The following ADD2 variants were observed in gnomAD, a reference collection of about 807,000 sequenced individuals.
ADD2 encodes the protein beta-adducin.
In ADD2, 23 loss-of-function variants were observed where a neutral mutation model predicts 83.0. The observed-to-expected ratio is 0.28, with a 90% CI of 0.20 to 0.39. ADD2 has a LOEUF of 0.39. Ranked by LOEUF, ADD2 falls within the 10% of genes least tolerant of loss-of-function variation. ADD2 has a pLI of 1.00. For synonymous variants in ADD2, 375 were observed against 375.4 expected, an observed-to-expected ratio of 1.00 and a Z score of 0.01; for missense variants, 758 against 944.9, an observed-to-expected ratio of 0.80 and a Z score of 2.59.
At chr2:70,721,055 T>C (rs1553377253) in intron 1 of ADD2, among the ~76,000 whole-genome samples, 1 of 151,964 alleles carries the variant, frequency 6.6e-6, no homozygotes, top group African/African-American at 2.4e-5. Context: ...TTATGGCAGG[T>C]CACCAACCCT....
chr2:70,696,108 A>G, intron 5 of ADD2, 137 bp downstream of exon 5: 1 of 1,246,730 alleles, frequency 8.0e-7, no homozygotes, highest in Non-Finnish European at 1.1e-6. Flanking sequence ...AGTGGTTAAA[A>G]AACTTGGAAG....
At chr2:70,720,331 G>A (rs1553377114) in intron 1 of ADD2, among the ~76,000 whole-genome samples, 4 of 152,158 alleles carry the variant, frequency 2.6e-5, no homozygotes, top group Non-Finnish European at 5.9e-5. Flanking sequence ...GTTAAGGGTG[G>A]GAGGTCTAAA....
intron 1 of ADD2, among the ~76,000 whole-genome samples, chr2:70,757,771 A>G (rs1553384113): frequency 1.3e-5 from 2 of 152,228 alleles, no homozygotes; most frequent in African/African-American, 2.4e-5. Context: ...CCGAGTAAAG[A>G]AAGCAAACAT....
intron 1 of ADD2, among the ~76,000 whole-genome samples, chr2:70,763,556 C>T (rs1427451171): frequency 1.3e-5 from 2 of 151,934 alleles, no homozygotes; most frequent in Non-Finnish European, 2.9e-5. Flanking sequence ...TATGTATACT[C>T]ATAAATACCA....
intron 1 of ADD2, among the ~76,000 whole-genome samples, chr2:70,748,454 A>G (rs1674341157): frequency 6.6e-6 from 1 of 152,176 alleles, no homozygotes; most frequent in Non-Finnish European, 1.5e-5. Context: ...TAAAACAAGG[A>G]GAACTAAAAG....
chr2:70,703,207 CGAAAGAAAGAGAAAGAGA>C (rs1671697121), intron 4 of ADD2, among the ~76,000 whole-genome samples: 1 of 147,700 alleles, frequency 6.8e-6, no homozygotes, highest in Admixed American at 6.8e-5. Flanking sequence ...GAAAAGAAAA[CGAAAGAAAGAGAAAGAGA>C]GAAAGAGAAA....
intron 1 of ADD2, among the ~76,000 whole-genome samples, chr2:70,725,652 G>A (rs1180592435): frequency 6.6e-6 from 1 of 152,038 alleles, no homozygotes; most frequent in Non-Finnish European, 1.5e-5. Flanking sequence ...GGAACACCAG[G>A]AGCCATCAGA....
intron 15 of ADD2, among the ~76,000 whole-genome samples, chr2:70,664,848 G>A (rs1049063734): frequency 7.6e-6 from 1 of 132,114 alleles, no homozygotes; most frequent in Non-Finnish European, 1.5e-5. Context: ...GAGTGTGTCT[G>A]TGTGTGTGGT....
chr2:70,667,640 G>C (rs1669700916), intron 15 of ADD2, among the ~76,000 whole-genome samples: 2 of 152,092 alleles, frequency 1.3e-5, no homozygotes, highest in Non-Finnish European at 2.9e-5. Context: ...TTTGGTGGGG[G>C]GATGGAATTT....
At chr2:70,666,848 C>G (rs1675820782) in intron 15 of ADD2, among the ~76,000 whole-genome samples, 1 of 152,150 alleles carries the variant, frequency 6.6e-6, no homozygotes, top group South Asian at 2.1e-4. Flanking sequence ...CAGAGAGGTT[C>G]CACATCATGA....
rs1553368304 is a variant in ADD2, at chr2:70,676,599, C to A, written c.1593+197G>T. On this transcript the variant is annotated intron_variant, in intron 13 of 15. Coordinates refer to ENST00000264436, the MANE Select transcript of ADD2 (RefSeq NM_001617.4). This position sits in a 1 kb window ranked among gnomAD's most constrained non-coding sequence, Gnocchi z 4.8. ...TTCTCCAGCCCAGTGCCCACAGGGGCCATCAGACATTGTCCTCCCTGGTCC... is the reference window on the plus strand; with the variant it reads ...TTCTCCAGCCCAGTGCCCACAGGGGACATCAGACATTGTCCTCCCTGGTCC... The A allele has an allele frequency of 2.1e-6, 3 of 1,438,352 alleles. No homozygotes were observed. Among genetic ancestry groups the A allele is most frequent in the Admixed American group, 2.8e-5 (1 of 35,748 alleles). The allele number at this position is 1,438,352 out of a possible 1,614,324, so 89.1% of individuals were successfully genotyped here. A position where few individuals can be genotyped will look rare whatever the true frequency, so the allele number is the denominator to read the frequency against.
At chr2:70,757,074 T>A (rs1674833302) in intron 1 of ADD2, among the ~76,000 whole-genome samples, 1 of 152,200 alleles carries the variant, frequency 6.6e-6, no homozygotes, top group African/African-American at 2.4e-5. Flanking sequence ...GTGATCCATC[T>A]GCCTCGGCCT....
chr2:70,663,851 G>A (rs1318196991), intron 15 of ADD2, 116 bp from the exon 16 acceptor site: 2 of 1,137,494 alleles, frequency 1.8e-6, no homozygotes, highest in African/African-American at 1.6e-5. Context: ...AGCGAGGGGA[G>A]GGCCAGCCTG....
intron 1 of ADD2, among the ~76,000 whole-genome samples, chr2:70,733,541 G>A (rs115613877): frequency 6.6e-6 from 1 of 152,298 alleles, no homozygotes; most frequent in African/African-American, 2.4e-5. Flanking sequence ...CAGCAGCCAG[G>A]CCACACAAAT....
At chr2:70,758,187 G>A (rs980762950) in intron 1 of ADD2, among the ~76,000 whole-genome samples, 1 of 152,114 alleles carries the variant, frequency 6.6e-6, no homozygotes, top group Non-Finnish European at 1.5e-5. Flanking sequence ...TATTTTCAGT[G>A]GAAATAGTCC....
At position 70,676,419 on chromosome 2, in the gene ADD2, T is replaced by C; in HGVS notation, c.1593+377A>G. The C allele has an allele frequency of 1.7e-6, 2 of 1,192,232 alleles. No homozygotes were observed. The highest frequency in any genetic ancestry group is 2.1e-6 in the Non-Finnish European group (2 of 958,178). The allele number at this position is 1,192,232 out of a possible 1,614,324, so 73.9% of individuals were successfully genotyped here. A position where few individuals can be genotyped will look rare whatever the true frequency, so the allele number is the denominator to read the frequency against. On this transcript the variant is annotated intron_variant, in intron 13 of 15. Coordinates refer to ENST00000264436, the MANE Select transcript of ADD2 (RefSeq NM_001617.4). The surrounding 1 kb of genome is among the most constrained non-coding windows in gnomAD (Gnocchi z 4.8). ...CATACCAGGCTCAGAGGTCAGAGACTCTCAGGGCTGGGCACACCTGGGGCA... is the reference window on the plus strand; with the variant it reads ...CATACCAGGCTCAGAGGTCAGAGACCCTCAGGGCTGGGCACACCTGGGGCA...
At chr2:70,759,437 G>A (rs377388065) in intron 1 of ADD2, among the ~76,000 whole-genome samples, 1 of 152,154 alleles carries the variant, frequency 6.6e-6, no homozygotes, top group African/African-American at 2.4e-5. Flanking sequence ...CATGTCTGAG[G>A]AACTGAGGGT....
chr2:70,740,161 A>G (rs1673810814), intron 1 of ADD2, among the ~76,000 whole-genome samples: 2 of 152,228 alleles, frequency 1.3e-5, no homozygotes, highest in African/African-American at 4.8e-5. Context: ...GTGATTCAAA[A>G]TATTTTTATA....
In ADD2 at chr2:70,695,830, C is replaced by T. The variant is rs376173899; in HGVS notation, c.475-29G>A. 135 of 1,596,760 alleles carry T rather than the reference C, an allele frequency of 8.5e-5. No individual in the cohort carries two copies. The African/African-American group carries it at 1.6e-3, about 19-fold the overall frequency. On this transcript the variant is annotated intron_variant, in intron 5 of 15. Coordinates refer to ENST00000264436, the MANE Select transcript of ADD2 (RefSeq NM_001617.4). ...GAGGAAAGACACAAGTTCTCAGGGG[C>T]AAGGAGGGAGAAAGGACATTTCCAA...
Sources: gnomAD v4.1 joint callset for allele counts (sites outside exome capture counted in the v4.1 genomes callset) on GRCh38, gnomAD v4.1.1 for gene constraint, Gnocchi (gnomAD v3.1) non-coding constraint, MANE v1.5 for transcripts, NCBI Gene and HGNC (gene_info 2026-07-23, HGNC 2026-07-21) for gene names.